The following SORL1 variants were observed in gnomAD, a reference collection of about 807,000 sequenced individuals.
The protein encoded by SORL1 is sortilin related receptor 1.
A neutral mutation model predicts 273.7 loss-of-function variants in SORL1; 127 were observed. The ratio of observed to expected loss-of-function variants is 0.46; its 90% CI spans 0.40 to 0.54. SORL1 has a LOEUF of 0.54. Among genes scored for constraint, SORL1 ranks in the 20% least tolerant of loss-of-function variants. The pLI is 0.00. For missense variants in SORL1, 2,494 were observed against 2,846.1 expected, an observed-to-expected ratio of 0.88 and a Z score of 2.81; for synonymous variants, 1,031 against 1,067.4, an observed-to-expected ratio of 0.97 and a Z score of 0.66.
chr11:121,462,502 C>T (rs1456539208), intron 1 of SORL1, among the ~76,000 whole-genome samples: 1 of 152,202 alleles, frequency 6.6e-6, no homozygotes, highest in Non-Finnish European at 1.5e-5. Flanking sequence ...ATTCAATCAT[C>T]ATTCCTGGAA....
At chr11:121,465,891 G>A (rs967085580) in intron 1 of SORL1, among the ~76,000 whole-genome samples, 1 of 152,172 alleles carries the variant, frequency 6.6e-6, no homozygotes, top group African/African-American at 2.4e-5. Flanking sequence ...GCCGGTAGGC[G>A]TGGAGTGGGG....
intron 1 of SORL1, among the ~76,000 whole-genome samples, chr11:121,465,530 T>A (rs1591545212): frequency 4.0e-5 from 6 of 149,628 alleles, no homozygotes; most frequent in Admixed American, 3.3e-4. Context: ...GGGGTGTGTC[T>A]CCTTTTTTTT....
chr11:121,530,186 A>T (rs995888274), intron 11 of SORL1, among the ~76,000 whole-genome samples: 3 of 152,246 alleles, frequency 2.0e-5, no homozygotes, highest in African/African-American at 4.8e-5. Flanking sequence ...TCAAATTATC[A>T]TATGAATTTC....
intron 20 of SORL1, among the ~76,000 whole-genome samples, chr11:121,559,077 A>G (rs764092822): frequency 4.6e-5 from 7 of 152,300 alleles, no homozygotes; most frequent in East Asian, 1.9e-4. Context: ...CTTCCCATGA[A>G]CATTCCCAGT....
At chr11:121,491,801 G>A (rs1054603854) in intron 5 of SORL1, among the ~76,000 whole-genome samples, 4 of 151,998 alleles carry the variant, frequency 2.6e-5, no homozygotes, top group African/African-American at 9.7e-5. Context: ...CTCAGCATGT[G>A]GTCAGTTTGA....
At chr11:121,528,273 A>G (rs1862152639) in intron 11 of SORL1, among the ~76,000 whole-genome samples, 2 of 152,152 alleles carry the variant, frequency 1.3e-5, no homozygotes, top group Admixed American at 1.3e-4. Context: ...GTTCAAGACC[A>G]GCCCAGGCAC....
intron 12 of SORL1, among the ~76,000 whole-genome samples, chr11:121,536,248 AC>A (rs1011573462): frequency 6.6e-6 from 1 of 152,050 alleles, no homozygotes; most frequent in African/African-American, 2.4e-5. Flanking sequence ...TCTTTTCTGG[AC>A]CTGGGCTCTG....
chr11:121,520,188 G>C (rs1862018644), intron 8 of SORL1, among the ~76,000 whole-genome samples: 1 of 152,184 alleles, frequency 6.6e-6, no homozygotes. Flanking sequence ...ATCTGAGTCT[G>C]GGAGGTTGAG....
intron 5 of SORL1, among the ~76,000 whole-genome samples, chr11:121,491,005 G>A (rs907178891): frequency 2.4e-5 from 3 of 126,228 alleles, no homozygotes; most frequent in Non-Finnish European, 3.5e-5. Context: ...TAGAGGAGGT[G>A]GCCCTTGATC....
At chr11:121,597,084 C>G (rs574584152) in intron 32 of SORL1, among the ~76,000 whole-genome samples, 1 of 152,166 alleles carries the variant, frequency 6.6e-6, no homozygotes, top group South Asian at 2.1e-4. Context: ...AGGAGATGCT[C>G]GGGAACCCAA....
chr11:121,551,685 G>A (rs1361465571), intron 16 of SORL1, among the ~76,000 whole-genome samples: 1 of 152,192 alleles, frequency 6.6e-6, no homozygotes, highest in Admixed American at 6.5e-5. Flanking sequence ...TGAAAGAAGT[G>A]TGTGGTCTCC....
chr11:121,479,245 C>A (rs565006491), intron 3 of SORL1, among the ~76,000 whole-genome samples: 15 of 152,112 alleles, frequency 9.9e-5, no homozygotes, highest in African/African-American at 3.6e-4. Context: ...ACCGGGCAGC[C>A]GGCAAGGCTT....
chr11:121,583,478 G>T lies in SORL1; in HGVS notation c.3601G>T (p.Ala1201Ser), dbSNP rs528870549. 29 of 1,612,836 alleles carry T rather than the reference G, an allele frequency of 1.8e-5. No homozygotes were observed. In the East Asian group the frequency reaches 5.8e-4, roughly 32 times the overall value. ...TACAGCCATCTATCACACCTGTGAG[G>T]CCTCCAACTTCCAGTGCCGAAACGG... ...NCTAIYHTCE[A>S]SNFQCRNGHC... The change falls in exon 26 of 48, where the codon GCC (alanine) becomes TCC (serine). Residue 1201 changes from alanine to serine, a missense_variant. This residue lies in a region of SORL1 where 1,609 missense variants were observed against 1,816.4 expected (regional missense o/e 0.89). Coordinates refer to ENST00000260197, the MANE Select transcript of SORL1 (RefSeq NM_003105.6).
At chr11:121,541,222 G>A (rs1454402583) in intron 12 of SORL1, among the ~76,000 whole-genome samples, 1 of 146,448 alleles carries the variant, frequency 6.8e-6, no homozygotes, top group Admixed American at 6.9e-5. Context: ...TTTTTTTTAA[G>A]GCAGGGTCTC....
At chr11:121,569,848 TA>T (rs1490180798) in intron 22 of SORL1, among the ~76,000 whole-genome samples, 1 of 152,218 alleles carries the variant, frequency 6.6e-6, no homozygotes, top group East Asian at 1.9e-4. Context: ...AAATCACTAA[TA>T]AAAACTTGGT....
At chr11:121,524,258 G>A (rs918929199) in intron 11 of SORL1, among the ~76,000 whole-genome samples, 3 of 152,246 alleles carry the variant, frequency 2.0e-5, no homozygotes, top group African/African-American at 7.2e-5. Flanking sequence ...TAGGCCTGTG[G>A]TTTGTTTGTG....
intron 12 of SORL1, among the ~76,000 whole-genome samples, chr11:121,539,602 T>C (rs1862315388): frequency 6.6e-6 from 1 of 151,536 alleles, no homozygotes; most frequent in Non-Finnish European, 1.5e-5. Context: ...AAAAGCAAAA[T>C]AGAATTTTTT....
chr11:121,488,542 C>T (rs1364349107), intron 4 of SORL1, among the ~76,000 whole-genome samples: 1 of 152,188 alleles, frequency 6.6e-6, no homozygotes. Flanking sequence ...GGAATCTGAG[C>T]TCTTCAGGGA....
At chr11:121,600,819 A>T (rs573507542) in intron 32 of SORL1, among the ~76,000 whole-genome samples, 42 of 152,208 alleles carry the variant, frequency 2.8e-4, no homozygotes, top group Non-Finnish European at 4.4e-4. Context: ...ATCATCGGTT[A>T]ATTATCAGTT....
Sources: gnomAD v4.1 joint callset for allele counts (sites outside exome capture counted in the v4.1 genomes callset) on GRCh38, gnomAD v4.1.1 for gene constraint, gnomAD v4.1.1 regional missense constraint, MANE v1.5 for transcripts, NCBI Gene and HGNC (gene_info 2026-07-23, HGNC 2026-07-21) for gene names.